HEATR3: variants seen among roughly 807,000 people sequenced by gnomAD.
The protein encoded by HEATR3 is HEAT repeat containing 3.
A neutral mutation model predicts 72.8 loss-of-function variants in HEATR3; 56 were observed. The observed-to-expected ratio is 0.77, with a 90% CI of 0.62 to 0.96. HEATR3 has a LOEUF of 0.96. HEATR3 is among the 40% of genes least tolerant of loss of function. The pLI, the probability that HEATR3 is intolerant of heterozygous loss-of-function variation, is 0.00. For synonymous variants in HEATR3, 331 were observed against 318.1 expected, an observed-to-expected ratio of 1.04 and a Z score of -0.43; for missense variants, 747 against 831.4, an observed-to-expected ratio of 0.90 and a Z score of 1.25.
chr16:50,104,944 T>TA lies in HEATR3; in HGVS notation c.1929dup (p.Glu644ArgfsTer5). The TA allele has an allele frequency of 1.3e-6, 2 of 1,581,514 alleles. No homozygotes were observed. The highest frequency in any genetic ancestry group is 1.7e-6 in the Non-Finnish European group (2 of 1,170,454). On this transcript the variant is annotated frameshift_variant, in exon 15 of 15. Transcript: ENST00000299192. LOFTEE classifies it high-confidence loss of function. ...TTTTTGTTTTTTGTTTGCAGATACG[T>TA]AAAGAAGGGAGAGGTAACTATAGCA...
chr16:50,091,669 T>C (rs1016020044), intron 11 of HEATR3, among the ~76,000 whole-genome samples: 3 of 151,608 alleles, frequency 2.0e-5, no homozygotes, highest in Non-Finnish European at 2.9e-5. Flanking sequence ...GGTCAGGAGA[T>C]TGAGACCCTG....
chr16:50,083,689 C>T (rs2036920620), intron 7 of HEATR3, among the ~76,000 whole-genome samples: 1 of 152,146 alleles, frequency 6.6e-6, no homozygotes, highest in Non-Finnish European at 1.5e-5. Context: ...AACTAAGTGA[C>T]GCTTGGGGAA....
At chr16:50,091,873 CAAAA>C (rs1157532465) in intron 11 of HEATR3, among the ~76,000 whole-genome samples, 1 of 62,486 alleles carries the variant, frequency 1.6e-5, no homozygotes, top group African/African-American at 6.4e-5. Flanking sequence ...GACTCTGTCT[CAAAA>C]AAAAAAAAAA....
intron 4 of HEATR3, among the ~76,000 whole-genome samples, chr16:50,071,183 C>T (rs763309640): frequency 6.6e-6 from 1 of 151,982 alleles, no homozygotes; most frequent in Non-Finnish European, 1.5e-5. Context: ...CTTTTTTCTG[C>T]CCCATTTTAT....
At chr16:50,068,929 G>A (rs1726551474) in intron 3 of HEATR3, 62 bp downstream of exon 3, 14 of 1,188,162 alleles carry the variant, frequency 1.2e-5, no homozygotes, top group Non-Finnish European at 1.6e-5. Context: ...ACTTTTTTTA[G>A]TACTTTGGTG....
chr16:50,067,718 A>G (rs2036530259), intron 2 of HEATR3, among the ~76,000 whole-genome samples: 1 of 152,188 alleles, frequency 6.6e-6, no homozygotes, highest in South Asian at 2.1e-4. Context: ...AGAGGTTAGT[A>G]TTTGTAGTTC....
At chr16:50,100,014 C>T (rs930684160) in intron 12 of HEATR3, among the ~76,000 whole-genome samples, 2 of 152,134 alleles carry the variant, frequency 1.3e-5, no homozygotes, top group Non-Finnish European at 1.5e-5. Context: ...TATTAGATAA[C>T]AGTGCCGACA....
chr16:50,066,328 CATT>C, intron 1 of HEATR3, 36 bp from the exon 2 acceptor site: 1 of 1,563,470 alleles, frequency 6.4e-7, no homozygotes, highest in Non-Finnish European at 8.6e-7. Flanking sequence ...CGCGCGTGCG[CATT>C]GCGCGCCTTC....
intron 7 of HEATR3, among the ~76,000 whole-genome samples, chr16:50,083,107 C>G (rs893315111): frequency 6.6e-6 from 1 of 152,108 alleles, no homozygotes; most frequent in Non-Finnish European, 1.5e-5. Context: ...GCACTCCAGC[C>G]TAGGCAACAG....
chr16:50,103,068 G>A (rs2037404315), intron 14 of HEATR3, among the ~76,000 whole-genome samples: 1 of 152,130 alleles, frequency 6.6e-6, no homozygotes, highest in Non-Finnish European at 1.5e-5. Context: ...CAGCCATATT[G>A]TTCTTAAAGG....
intron 12 of HEATR3, among the ~76,000 whole-genome samples, chr16:50,096,324 C>CAAAAAAAA (rs59995532): frequency 6.9e-5 from 6 of 86,796 alleles, no homozygotes; most frequent in South Asian, 4.1e-4. Context: ...GACTCCGTCT[C>CAAAAAAAA]AAAAAAAAAA....
intron 3 of HEATR3, 58 bp from the exon 4 acceptor site, chr16:50,070,120 C>A: frequency 2.5e-6 from 2 of 794,982 alleles, no homozygotes; most frequent in South Asian, 1.8e-5. Flanking sequence ...ACCATCATTA[C>A]CCTATTTGTT....
intron 12 of HEATR3, among the ~76,000 whole-genome samples, chr16:50,096,821 C>T (rs1449065375): frequency 1.3e-5 from 2 of 152,108 alleles, no homozygotes; most frequent in South Asian, 2.1e-4. Flanking sequence ...CTAAAGTGTA[C>T]AATTCAGTGG....
In HEATR3 at chr16:50,070,176, A is replaced by G; in HGVS notation, c.400-2A>G. ...GGTGCTAATCATGATATTTGGTTAC[A>G]GTGTAGTGCTGGACTGGATTCAAAT... On this transcript the variant is annotated splice_acceptor_variant, in intron 3 of 14. Coordinates refer to ENST00000299192, the MANE Select transcript of HEATR3 (RefSeq NM_182922.4). LOFTEE classifies it high-confidence loss of function. 1 of 1,497,262 alleles carries G rather than the reference A, an allele frequency of 6.7e-7. No homozygotes were observed. The highest frequency in any genetic ancestry group is 9.2e-7 in the Non-Finnish European group (1 of 1,084,180). 92.7% of individuals were successfully genotyped at this position (1,497,262 alleles called of 1,614,324 possible).
chr16:50,095,676 C>T (rs527880703), intron 12 of HEATR3, among the ~76,000 whole-genome samples: 14 of 152,080 alleles, frequency 9.2e-5, no homozygotes, highest in East Asian at 3.9e-4. Context: ...TACAGGTGTG[C>T]GCTACCATGT....
intron 7 of HEATR3, among the ~76,000 whole-genome samples, chr16:50,082,387 T>G (rs1022606329): frequency 6.6e-6 from 1 of 151,970 alleles, no homozygotes; most frequent in Non-Finnish European, 1.5e-5. Context: ...TTCGTATATT[T>G]TAAGTGAATG....
intron 7 of HEATR3, among the ~76,000 whole-genome samples, chr16:50,081,921 C>T (rs1324260287): frequency 6.6e-6 from 1 of 152,168 alleles, no homozygotes; most frequent in Non-Finnish European, 1.5e-5. Context: ...TGAAGCAAAT[C>T]TCAGATGTCA....
Position 50,086,301 on chromosome 16 carries a change from C to A in HEATR3, c.1460C>A (p.Ala487Asp). ...GTGGAGCACCTGGGAGGAGCCGCAG[C>A]CCTTCAGACGCTTGCACAGCATCTG... ...LDVEHLGGAA[A>D]LQTLAQHLSQ... The change falls in exon 11 of 15, where the codon GCC (alanine) becomes GAC (aspartate). Residue 487 changes from alanine to aspartate, a missense_variant. Physicochemically the swap from Ala to Asp is moderately radical, Grantham distance 126. Coordinates refer to ENST00000299192, the MANE Select transcript of HEATR3 (RefSeq NM_182922.4). The A allele has an allele frequency of 6.3e-7, 1 of 1,592,700 alleles. No homozygotes were observed. Among genetic ancestry groups the A allele is most frequent in the Non-Finnish European group, 8.6e-7 (1 of 1,168,972 alleles).
At chr16:50,075,829 C>A in intron 6 of HEATR3, 118 bp downstream of exon 6, 1 of 827,740 alleles carries the variant, frequency 1.2e-6, no homozygotes, top group Non-Finnish European at 1.9e-6. Flanking sequence ...TTTATCTGTT[C>A]TGAAAATTTT....
Sources: gnomAD v4.1 joint callset for allele counts (sites outside exome capture counted in the v4.1 genomes callset) on GRCh38, gnomAD v4.1.1 for gene constraint, MANE v1.5 for transcripts, NCBI Gene and HGNC (gene_info 2026-07-23, HGNC 2026-07-21) for gene names.